Variants in DNM3 observed in about 807,000 individuals in gnomAD.
DNM3 encodes the protein dynamin 3.
In DNM3, 47 loss-of-function variants were observed where a neutral mutation model predicts 101.6. The observed-to-expected ratio is 0.46, with a 90% CI of 0.37 to 0.59. DNM3 has a LOEUF of 0.59. Among genes scored for constraint, DNM3 ranks in the 20% least tolerant of loss-of-function variants. The pLI is 0.00. For missense variants in DNM3, 849 were observed against 1,085.7 expected, an observed-to-expected ratio of 0.78 and a Z score of 3.06; for synonymous variants, 385 against 387.9, an observed-to-expected ratio of 0.99 and a Z score of 0.09.
intron 14 of DNM3, among the ~76,000 whole-genome samples, chr1:172,224,346 T>C (rs2061021780): frequency 1.3e-5 from 2 of 152,188 alleles, no homozygotes; most frequent in African/African-American, 4.8e-5. Context: ...AAAGGCTAAA[T>C]TACTGAATTC....
At chr1:171,921,961 C>A in intron 2 of DNM3, 140 bp downstream of exon 2, 2 of 646,624 alleles carry the variant, frequency 3.1e-6, no homozygotes, top group South Asian at 4.2e-5. Flanking sequence ...CTCCAGAATG[C>A]TGCCTTCTTC....
intron 1 of DNM3, among the ~76,000 whole-genome samples, chr1:171,893,225 T>C (rs1318795031): frequency 1.3e-5 from 2 of 152,212 alleles, no homozygotes; most frequent in Non-Finnish European, 2.9e-5. Context: ...ATTATTTTTG[T>C]TTAAATTGCA....
At chr1:172,311,449 A>C (rs11802996) in intron 16 of DNM3, among the ~76,000 whole-genome samples, 44,436 of 152,016 alleles carry the variant, frequency 0.29, 6,904 homozygotes, top group Middle Eastern at 0.42. Context: ...CATTTAAACA[A>C]AAATAATGCT....
At chr1:172,069,110 A>T (rs1414845680) in intron 11 of DNM3, among the ~76,000 whole-genome samples, 1 of 152,250 alleles carries the variant, frequency 6.6e-6, no homozygotes, top group Non-Finnish European at 1.5e-5. Context: ...ATATGAGCAA[A>T]TAAAAAGACT....
At chr1:172,133,681 G>A (rs922944381) in intron 14 of DNM3, among the ~76,000 whole-genome samples, 3 of 152,150 alleles carry the variant, frequency 2.0e-5, no homozygotes, top group African/African-American at 7.2e-5. Flanking sequence ...AGTGATAGGG[G>A]AGGGGTCTTT....
chr1:172,316,666 A>G (rs2065377826), intron 16 of DNM3, among the ~76,000 whole-genome samples: 1 of 152,156 alleles, frequency 6.6e-6, no homozygotes, highest in African/African-American at 2.4e-5. Flanking sequence ...TGGTAAATGG[A>G]TCAATTCAAC....
chr1:172,025,921 C>T (rs980716967), intron 4 of DNM3, among the ~76,000 whole-genome samples: 3 of 151,998 alleles, frequency 2.0e-5, no homozygotes, highest in African/African-American at 4.8e-5. Flanking sequence ...CACAACTCCT[C>T]GTCGGAAAGG....
chr1:172,147,565 A>T (rs541987296), intron 14 of DNM3, among the ~76,000 whole-genome samples: 2 of 152,246 alleles, frequency 1.3e-5, no homozygotes, highest in Non-Finnish European at 2.9e-5. Context: ...CAATCTTGGC[A>T]CATTTTTATG....
At chr1:172,360,914 C>T (rs1033177245) in intron 17 of DNM3, among the ~76,000 whole-genome samples, 1 of 151,936 alleles carries the variant, frequency 6.6e-6, no homozygotes, top group South Asian at 2.1e-4. Context: ...ACTCATTAGT[C>T]CCAAAAGGTG....
At chr1:171,864,072 G>T (rs2034462532) in intron 1 of DNM3, 2 of 152,178 alleles carry the variant, frequency 1.3e-5, no homozygotes, top group Non-Finnish European at 2.9e-5. Context: ...CCTTTGCAGA[G>T]TCTAAAAAGT....
chr1:171,857,432 G>A (rs1426889324), intron 1 of DNM3, among the ~76,000 whole-genome samples: 1 of 152,126 alleles, frequency 6.6e-6, no homozygotes, highest in Non-Finnish European at 1.5e-5. Flanking sequence ...CCTGGAGGAA[G>A]GATAGTAAAA....
At chr1:171,933,728 G>A (rs1487093223) in intron 2 of DNM3, among the ~76,000 whole-genome samples, 6 of 152,140 alleles carry the variant, frequency 3.9e-5, no homozygotes, top group Non-Finnish European at 5.9e-5. Flanking sequence ...AAGGGAACAT[G>A]ATAGAAGGAT....
At chr1:172,396,027 T>C (rs1489107605) in intron 20 of DNM3, among the ~76,000 whole-genome samples, 1 of 152,240 alleles carries the variant, frequency 6.6e-6, no homozygotes, top group Non-Finnish European at 1.5e-5. Flanking sequence ...AGCCGCTAGG[T>C]ATTTGCGCCG....
chr1:171,870,782 C>A (rs2035203729), intron 1 of DNM3, among the ~76,000 whole-genome samples: 2 of 152,114 alleles, frequency 1.3e-5, no homozygotes, highest in Non-Finnish European at 2.9e-5. Context: ...ATCAGGTACC[C>A]AAACTGCCTG....
intron 15 of DNM3, among the ~76,000 whole-genome samples, chr1:172,283,530 G>T (rs1284026341): frequency 6.6e-6 from 1 of 152,014 alleles, no homozygotes; most frequent in Non-Finnish European, 1.5e-5. Flanking sequence ...GGGAGGCCAA[G>T]GTGGGCAGAT....
chr1:171,918,666 T>G (rs751176442), intron 1 of DNM3, among the ~76,000 whole-genome samples: 14 of 152,156 alleles, frequency 9.2e-5, no homozygotes, highest in Non-Finnish European at 1.6e-4. Context: ...GTGAGAGCCA[T>G]GAAGGGAACT....
At chr1:171,931,260 C>G (rs891082560) in intron 2 of DNM3, among the ~76,000 whole-genome samples, 5 of 152,104 alleles carry the variant, frequency 3.3e-5, no homozygotes, top group African/African-American at 1.2e-4. Context: ...TCAATGCAAT[C>G]CCTGTCATAA....
At chr1:172,137,052 A>G (rs952920986) in intron 14 of DNM3, 5 of 152,276 alleles carry the variant, frequency 3.3e-5, no homozygotes, top group Non-Finnish European at 5.9e-5. Flanking sequence ...TTGGAGTCTG[A>G]AGGACGGGTG....
intron 15 of DNM3, among the ~76,000 whole-genome samples, chr1:172,293,602 G>C (rs530856742): frequency 6.6e-6 from 1 of 152,128 alleles, no homozygotes; most frequent in Non-Finnish European, 1.5e-5. Context: ...AAGCTTCATC[G>C]ACAGAATTTA....
Sources: gnomAD v4.1 joint callset for allele counts (sites outside exome capture counted in the v4.1 genomes callset) on GRCh38, gnomAD v4.1.1 for gene constraint, MANE v1.5 for transcripts, NCBI Gene and HGNC (gene_info 2026-07-23, HGNC 2026-07-21) for gene names.